Variants in DOCK4 observed in about 807,000 individuals in gnomAD.
DOCK4 encodes dedicator of cytokinesis protein 4.
DOCK4 carries 97 observed loss-of-function variants against 268.1 expected under a neutral mutation model. The observed-to-expected ratio is 0.36, with a 90% CI of 0.31 to 0.43. The LOEUF is 0.43. DOCK4 is among the 20% of genes least tolerant of loss of function. The pLI, the probability that DOCK4 is intolerant of heterozygous loss-of-function variation, is 1.00. For missense variants in DOCK4, 2,145 were observed against 2,455.7 expected, an observed-to-expected ratio of 0.87 and a Z score of 2.67; for synonymous variants, 954 against 887.2, an observed-to-expected ratio of 1.08 and a Z score of -1.34.
At position 111,935,613 on chromosome 7, in the gene DOCK4, ACT is replaced by A. The variant is rs778774483; in HGVS notation, c.991_992del (p.Ser331Ter). Reference protein sequence around the residue: ...ILKVYMCNTESEWYQIHENII... With the variant: ...ILKVYMCNTEXEWYQIHENII... ...TGTTCTCATGGATTTGGTACCACTC[ACT>A]CTCTGTGTTACACCTATGAAAACAT... is the stretch of plus-strand genomic sequence containing the variant. On this transcript the variant is annotated frameshift_variant, in exon 12 of 53. Coordinates refer to ENST00000428084, the MANE Select transcript of DOCK4 (RefSeq NM_001363540.2). LOFTEE classifies it high-confidence loss of function. 3 of 1,613,668 alleles carry A rather than the reference ACT, an allele frequency of 1.9e-6. No homozygotes were observed.
At chr7:111,880,787 C>G (rs1807311873) in intron 16 of DOCK4, among the ~76,000 whole-genome samples, 2 of 152,144 alleles carry the variant, frequency 1.3e-5, no homozygotes, top group Admixed American at 6.5e-5. Context: ...CCAGTGAACT[C>G]TTTTTCGACA....
Position 111,840,957 on chromosome 7 carries a change from G to A in DOCK4, c.2736+3806C>T, listed in dbSNP as rs76137085. 0.016 allele frequency: 10,501 copies of A among 641,554 alleles called. 936 individuals are homozygous for A. The African/African-American group carries it at 0.18, about 11-fold the overall frequency. The allele number at this position is 641,554 out of a possible 1,614,324, so 39.7% of individuals were successfully genotyped here. On this transcript the variant is annotated intron_variant, in intron 25 of 52. Coordinates refer to ENST00000428084, the MANE Select transcript of DOCK4 (RefSeq NM_001363540.2). ...AAGACAAGACCAGGGCATATTTCTC[G>A]CCATAGAATTATTATAACAACAACA... is the stretch of plus-strand genomic sequence containing the variant.
chr7:112,146,245 A>T (rs1815481941), intron 1 of DOCK4, among the ~76,000 whole-genome samples: 1 of 152,128 alleles, frequency 6.6e-6, no homozygotes, highest in Non-Finnish European at 1.5e-5. Context: ...GCATGGGAGG[A>T]GTTTCAAAGT....
chr7:111,942,754 A>G (rs946103657), intron 10 of DOCK4, among the ~76,000 whole-genome samples: 1 of 152,178 alleles, frequency 6.6e-6, no homozygotes, highest in Non-Finnish European at 1.5e-5. Context: ...GTCAATCAGA[A>G]TTAGCTTAGA....
chr7:112,158,381 A>G (rs1816805418), intron 1 of DOCK4, among the ~76,000 whole-genome samples: 1 of 152,228 alleles, frequency 6.6e-6, no homozygotes, highest in African/African-American at 2.4e-5. Flanking sequence ...GAATATAGAC[A>G]CAACAGTAAA....
At chr7:111,849,220 G>T (rs1407559611) in intron 23 of DOCK4, among the ~76,000 whole-genome samples, 2 of 150,592 alleles carry the variant, frequency 1.3e-5, no homozygotes, top group East Asian at 3.9e-4. Flanking sequence ...CCTTATTCTG[G>T]TAACAGTTTT....
chr7:111,741,075 C>T lies in DOCK4; in HGVS notation c.5040+19G>A. 1 of 1,612,956 alleles carries T rather than the reference C, an allele frequency of 6.2e-7. No homozygotes were observed. Among genetic ancestry groups the T allele is most frequent in the Non-Finnish European group, 8.5e-7 (1 of 1,179,608 alleles). On this transcript the variant is annotated intron_variant, in intron 47 of 52. Coordinates refer to ENST00000428084, the MANE Select transcript of DOCK4 (RefSeq NM_001363540.2). ...CAGAAAAGGAATAAACACAACCAGA[C>T]AAAAAGCTAATTAAGTACCTGCATG...
intron 1 of DOCK4, among the ~76,000 whole-genome samples, chr7:112,016,775 A>G (rs1258532356): frequency 6.6e-6 from 1 of 152,230 alleles, no homozygotes; most frequent in African/African-American, 2.4e-5. Flanking sequence ...ACTACTCAGT[A>G]TATCAGGTGA....
chr7:111,989,937 CAG>C (rs1799386419), intron 5 of DOCK4, among the ~76,000 whole-genome samples: 1 of 152,292 alleles, frequency 6.6e-6, no homozygotes, highest in East Asian at 1.9e-4. Flanking sequence ...AGCAACTGTG[CAG>C]AGAGCACTAC....
At chr7:112,079,687 A>C (rs1808408201) in intron 1 of DOCK4, among the ~76,000 whole-genome samples, 1 of 152,186 alleles carries the variant, frequency 6.6e-6, no homozygotes, top group South Asian at 2.1e-4. Flanking sequence ...GTTATGGTTA[A>C]GCTAATCAAC....
At chr7:111,901,652 C>T in intron 14 of DOCK4, 25 bp downstream of exon 14, 1 of 1,609,848 alleles carries the variant, frequency 6.2e-7, no homozygotes, top group East Asian at 2.2e-5. Flanking sequence ...CTTGTTTGAC[C>T]TGGAAATATC....
At chr7:112,036,346 T>C (rs575431349) in intron 1 of DOCK4, among the ~76,000 whole-genome samples, 19 of 152,084 alleles carry the variant, frequency 1.2e-4, no homozygotes, top group African/African-American at 4.1e-4. Flanking sequence ...CATTTAAATA[T>C]AGAACTAAGA....
intron 50 of DOCK4, 118 bp downstream of exon 50, chr7:111,736,799 G>C (rs1281933221): frequency 2.3e-6 from 2 of 875,022 alleles, no homozygotes; most frequent in Non-Finnish European, 3.8e-6. Flanking sequence ...GAGCATACTA[G>C]TCCTGATCAT....
intron 13 of DOCK4, among the ~76,000 whole-genome samples, chr7:111,912,646 G>C (rs1213841829): frequency 6.6e-6 from 1 of 151,866 alleles, no homozygotes; most frequent in East Asian, 1.9e-4. Flanking sequence ...AGGGAGGAAA[G>C]ATAAGAAGAA....
chr7:111,916,181 C>T (rs995738430), intron 12 of DOCK4, among the ~76,000 whole-genome samples: 3 of 152,134 alleles, frequency 2.0e-5, no homozygotes, highest in African/African-American at 7.2e-5. Flanking sequence ...ATCTCTCCTC[C>T]AACCCTAGTC....
intron 26 of DOCK4, among the ~76,000 whole-genome samples, chr7:111,825,674 T>G (rs1222255250): frequency 6.6e-6 from 1 of 152,176 alleles, no homozygotes; most frequent in African/African-American, 2.4e-5. Flanking sequence ...ACATGGTCAC[T>G]TAAGCAGGTT....
In DOCK4 at chr7:111,767,031, C is replaced by T; in HGVS notation, c.3915+1G>A. 6.2e-7 allele frequency: 1 copy of T among 1,612,754 alleles called. No homozygotes were observed. Among genetic ancestry groups the T allele is most frequent in the Non-Finnish European group, 8.5e-7 (1 of 1,178,908 alleles). On this transcript the variant is annotated splice_donor_variant, in intron 38 of 52. Coordinates refer to ENST00000428084, the MANE Select transcript of DOCK4 (RefSeq NM_001363540.2). LOFTEE classifies it high-confidence loss of function. ...GATCAGGATGCATCCAGGCACCTTA[C>T]CCGCATCTTGCTCAGGTTTCTGTAG...
chr7:112,009,848 T>C (rs1801146460), intron 1 of DOCK4, among the ~76,000 whole-genome samples: 1 of 152,146 alleles, frequency 6.6e-6, no homozygotes, highest in Non-Finnish European at 1.5e-5. Flanking sequence ...AGACAGCGTC[T>C]CACCGTCGCC....
intron 30 of DOCK4, among the ~76,000 whole-genome samples, chr7:111,806,261 C>G (rs1294140713): frequency 6.6e-6 from 1 of 152,140 alleles, no homozygotes; most frequent in Non-Finnish European, 1.5e-5. Flanking sequence ...TCCTAAGTAA[C>G]AAGCTGACTT....
Sources: gnomAD v4.1 joint callset for allele counts (sites outside exome capture counted in the v4.1 genomes callset) on GRCh38, gnomAD v4.1.1 for gene constraint, MANE v1.5 for transcripts, NCBI Gene and HGNC (gene_info 2026-07-23, HGNC 2026-07-21) for gene names.